The following ARHGAP21 variants were observed in gnomAD, a reference collection of about 807,000 sequenced individuals.
ARHGAP21 encodes the protein rho GTPase-activating protein 21.
A neutral mutation model predicts 164.6 loss-of-function variants in ARHGAP21; 38 were observed. The observed-to-expected ratio is 0.23, with a 90% CI of 0.18 to 0.30. The LOEUF is 0.30. ARHGAP21 is among the 10% of genes least tolerant of loss of function. ARHGAP21 has a pLI of 1.00. For synonymous variants in ARHGAP21, 766 were observed against 857.9 expected (o/e 0.89, Z 1.87); for missense variants, 1,822 against 2,370.7 (o/e 0.77, Z 4.81).
chr10:24,669,013 A>T (rs2131758417), intron 3 of ARHGAP21, among the ~76,000 whole-genome samples: 1 of 152,312 alleles, frequency 6.6e-6, no homozygotes, highest in Admixed American at 6.5e-5. Context: ...GAGACTTTTT[A>T]ATATCAGCTA....
chr10:24,665,910 C>G (rs1840148495), intron 4 of ARHGAP21, among the ~76,000 whole-genome samples: 1 of 152,192 alleles, frequency 6.6e-6, no homozygotes, highest in African/African-American at 2.4e-5. Flanking sequence ...CGGAAGAGAA[C>G]AAGGATACTA....
intron 25 of ARHGAP21, among the ~76,000 whole-genome samples, chr10:24,587,477 G>C (rs941053246): frequency 9.3e-6 from 1 of 107,588 alleles, no homozygotes; most frequent in African/African-American, 2.6e-5. Context: ...AATTTAGGCT[G>C]TTCTATCAAA....
At chr10:24,663,175 T>C (rs1226234676) in intron 4 of ARHGAP21, among the ~76,000 whole-genome samples, 1 of 152,192 alleles carries the variant, frequency 6.6e-6, no homozygotes, top group Non-Finnish European at 1.5e-5. Flanking sequence ...TTAGCCATCT[T>C]ATCTTCTAGT....
Position 24,591,126 on chromosome 10 carries a change from A to T in ARHGAP21, c.4150+99T>A. On this transcript the variant is annotated intron_variant, in intron 24 of 25. Coordinates refer to ENST00000396432, the MANE Select transcript of ARHGAP21 (RefSeq NM_020824.4). Reference sequence around the variant, plus strand: ...TAGTAGAAAGGAAGAGAAAAAGAAAAAAATCATAAGTAACAATTCACTATG... The same window carrying T: ...TAGTAGAAAGGAAGAGAAAAAGAAATAAATCATAAGTAACAATTCACTATG... 3 of 1,140,230 alleles carry T rather than the reference A, an allele frequency of 2.6e-6. No individual in the cohort carries two copies. The South Asian group carries it at 4.8e-5, about 18-fold the overall frequency. 70.6% of individuals were successfully genotyped at this position (1,140,230 alleles called of 1,614,324 possible). A position where few individuals can be genotyped will look rare whatever the true frequency, so the allele number is the denominator to read the frequency against.
chr10:24,723,193 G>A (rs1367957684), intron 1 of ARHGAP21: 2 of 150,396 alleles, frequency 1.3e-5, no homozygotes, highest in Non-Finnish European at 3.0e-5. Flanking sequence ...CCGAAGCGCG[G>A]CGGCGAGCTG....
intron 14 of ARHGAP21, among the ~76,000 whole-genome samples, chr10:24,599,876 GT>G (rs1295449387): frequency 6.6e-6 from 1 of 152,194 alleles, no homozygotes; most frequent in Non-Finnish European, 1.5e-5. Flanking sequence ...GCTCACGCCT[GT>G]AATGCCAGCA....
intron 9 of ARHGAP21, among the ~76,000 whole-genome samples, chr10:24,611,479 T>C (rs1049998486): frequency 2.6e-5 from 4 of 151,986 alleles, no homozygotes; most frequent in Admixed American, 2.0e-4. Context: ...CAAGGTGGGA[T>C]GATCACTTGA....
chr10:24,628,508 T>C (rs1835358734), intron 7 of ARHGAP21, among the ~76,000 whole-genome samples: 1 of 152,128 alleles, frequency 6.6e-6, no homozygotes, highest in Non-Finnish European at 1.5e-5. Context: ...ATGAAGAACA[T>C]TACTATACCA....
chr10:24,596,926 A>G, intron 16 of ARHGAP21, 44 bp from the exon 17 acceptor site: 2 of 1,569,258 alleles, frequency 1.3e-6, no homozygotes, highest in East Asian at 2.3e-5. Flanking sequence ...TAAAATGGAA[A>G]TGAGTGTCTA....
At chr10:24,613,528 G>C (rs991241183) in intron 9 of ARHGAP21, among the ~76,000 whole-genome samples, 14 of 152,172 alleles carry the variant, frequency 9.2e-5, no homozygotes, top group Non-Finnish European at 1.0e-4. Context: ...GTCATCTGGA[G>C]ATTTGGTTAT....
At chr10:24,689,940 ATGTATATGTGT>A (rs1565169423) in intron 2 of ARHGAP21, among the ~76,000 whole-genome samples, 9 of 36,666 alleles carry the variant, frequency 2.5e-4, no homozygotes, top group African/African-American at 9.6e-4. Context: ...ATATGTATAT[ATGTATATGTGT>A]GTGTGTGTGT....
chr10:24,628,959 T>TACATAC (rs1835502333), intron 7 of ARHGAP21: 2 of 13,440 alleles, frequency 1.5e-4, no homozygotes, highest in African/African-American at 8.4e-4. Context: ...ACACTATATA[T>TACATAC]ATATATATAT....
chr10:24,649,887 AG>A (rs1412467380), intron 4 of ARHGAP21, among the ~76,000 whole-genome samples: 9 of 152,298 alleles, frequency 5.9e-5, no homozygotes, highest in African/African-American at 2.2e-4. Flanking sequence ...AAAGTAGTCC[AG>A]GTGAAGAAAC....
intron 8 of ARHGAP21, among the ~76,000 whole-genome samples, chr10:24,622,485 T>TAC (rs1834676210): frequency 8.1e-6 from 1 of 123,400 alleles, no homozygotes; most frequent in Non-Finnish European, 1.7e-5. Context: ...TATATATATA[T>TAC]ACTGATGCAG....
At chr10:24,591,152 A>T (rs2076313002) in intron 24 of ARHGAP21, 73 bp downstream of exon 24, 2 of 1,269,256 alleles carry the variant, frequency 1.6e-6, no homozygotes, top group Admixed American at 2.2e-5. Flanking sequence ...ATTCACTATG[A>T]TTGATTTGCT....
chr10:24,694,720 C>T (rs372201716), intron 2 of ARHGAP21, among the ~76,000 whole-genome samples: 1 of 152,052 alleles, frequency 6.6e-6, no homozygotes, highest in Non-Finnish European at 1.5e-5. Flanking sequence ...TCATTGCCTG[C>T]GTACTACTTT....
At chr10:24,604,665 CTGCAATGCTAT>C (rs1189993575) in intron 11 of ARHGAP21, among the ~76,000 whole-genome samples, 3 of 152,090 alleles carry the variant, frequency 2.0e-5, no homozygotes, top group African/African-American at 7.2e-5. Context: ...TTAACTGTAG[CTGCAATGCTAT>C]ATTAAGGATT....
intron 6 of ARHGAP21, among the ~76,000 whole-genome samples, chr10:24,631,936 G>C (rs898316837): frequency 6.6e-6 from 1 of 151,996 alleles, no homozygotes; most frequent in Admixed American, 6.6e-5. Flanking sequence ...GCCCAGGCTG[G>C]TATCAAACTC....
At chr10:24,666,740 T>C (rs1593226671) in intron 4 of ARHGAP21, among the ~76,000 whole-genome samples, 1 of 152,286 alleles carries the variant, frequency 6.6e-6, no homozygotes, top group Admixed American at 6.5e-5. Context: ...TAATGATATA[T>C]TCCTCCACAA....
Sources: gnomAD v4.1 joint callset for allele counts (sites outside exome capture counted in the v4.1 genomes callset) on GRCh38, gnomAD v4.1.1 for gene constraint, MANE v1.5 for transcripts, NCBI Gene and HGNC (gene_info 2026-07-23, HGNC 2026-07-21) for gene names.